The following DVL1 variants were observed in gnomAD, a reference collection of about 807,000 sequenced individuals.
DVL1 encodes the protein segment polarity protein dishevelled homolog DVL-1.
In DVL1, 49 loss-of-function variants were observed where a neutral mutation model predicts 65.0. That is an observed-to-expected ratio of 0.75 (90% CI 0.60 to 0.96). The LOEUF (loss-of-function observed/expected upper bound fraction) is 0.96, where lower values mean the gene tolerates loss of function less well. DVL1 is among the 40% of genes least tolerant of loss of function. DVL1 has a pLI of 0.00. For synonymous variants in DVL1, 608 were observed against 433.9 expected (o/e 1.40, Z -4.99); for missense variants, 1,197 against 1,045.4 (o/e 1.15, Z -2.00).
chr1:1,341,435 T>C (rs1225332312), intron 5 of DVL1, among the ~76,000 whole-genome samples: 1 of 151,664 alleles, frequency 6.6e-6, no homozygotes, highest in Non-Finnish European at 1.5e-5. Context: ...TGTACACGTT[T>C]GCACGCGGGC....
intron 10 of DVL1, 36 bp from the exon 11 acceptor site, chr1:1,339,475 G>C: frequency 1.8e-6 from 2 of 1,097,324 alleles, no homozygotes; most frequent in South Asian, 2.7e-5. Flanking sequence ...CAGGCGGACA[G>C]ATGGACAGGG....
In DVL1 at chr1:1,339,592, G is replaced by A. The variant is rs139346691; in HGVS notation, c.1044C>T (p.Thr348=). 1,296 of 1,607,048 alleles carry A rather than the reference G, an allele frequency of 8.1e-4. 10 individuals carry two copies. In the African/African-American group the frequency reaches 0.012, roughly 15 times the overall value. Residue 348 remains threonine (T), a synonymous_variant, in exon 10 of 15, where the codon ACC becomes ACT. Coordinates refer to ENST00000378888, the MANE Select transcript of DVL1 (RefSeq NM_001330311.2). The stretch of plus-strand genomic sequence containing the variant: ...CCGAGGGCCACTCACCCCGTGGGAC[G>A]GTGAAGTAGCTTCGGGGCGTTGGGT... The part of the protein sequence containing the change: ...CWDPTPRSYF[T]VPRADPVRPI...
intron 14 of DVL1, 133 bp downstream of exon 14, chr1:1,337,844 G>A (rs1164551871): frequency 5.2e-6 from 4 of 767,532 alleles, no homozygotes; most frequent in Middle Eastern, 2.4e-4. Context: ...GCAGGGCGGA[G>A]CAGCAGCGGG....
At chr1:1,339,846 G>C (rs1467522951) in intron 8 of DVL1, 34 bp from the exon 9 acceptor site, 1 of 1,516,856 alleles carries the variant, frequency 6.6e-7, no homozygotes, top group Non-Finnish European at 8.8e-7. Flanking sequence ...GTGCAGGCAG[G>C]ATGTGCAGCT....
intron 1 of DVL1, among the ~76,000 whole-genome samples, chr1:1,347,145 T>A (rs1160545152): frequency 6.6e-6 from 1 of 152,106 alleles, no homozygotes; most frequent in Non-Finnish European, 1.5e-5. Context: ...GCCCTCGTCT[T>A]GGACCTCCAG....
chr1:1,339,027 C>A (rs1252455064), intron 11 of DVL1, among the ~76,000 whole-genome samples: 1 of 152,174 alleles, frequency 6.6e-6, no homozygotes, highest in Non-Finnish European at 1.5e-5. Context: ...GGAGACCTGG[C>A]CCCTGCCTCT....
intron 14 of DVL1, among the ~76,000 whole-genome samples, chr1:1,336,840 G>C (rs1643594981): frequency 6.6e-6 from 1 of 152,268 alleles, no homozygotes; most frequent in Admixed American, 6.5e-5. Flanking sequence ...CTCATGCCCG[G>C]TGCCCCCGTG....
chr1:1,338,799 A>C, intron 11 of DVL1, 146 bp from the exon 12 acceptor site: 2 of 1,303,432 alleles, frequency 1.5e-6, no homozygotes, highest in South Asian at 3.0e-5. Context: ...GGCCCACTGC[A>C]GGATGCACCC....
At chr1:1,338,958 C>T (rs550162172) in intron 11 of DVL1, among the ~76,000 whole-genome samples, 1 of 152,366 alleles carries the variant, frequency 6.6e-6, no homozygotes, top group South Asian at 2.1e-4. Flanking sequence ...CCTTCCCCTC[C>T]CCGCATGCCC....
rs1643975089 is a variant in DVL1 at position 1,349,099 on chromosome 1, G to A, written c.-34C>T. The A allele has an allele frequency of 3.9e-6, 5 of 1,270,410 alleles. No homozygotes were observed. Among genetic ancestry groups the A allele is most frequent in the South Asian group, 3.4e-5 (2 of 59,454 alleles). 78.7% of individuals were successfully genotyped at this position (1,270,410 alleles called of 1,614,324 possible). ...GGCGGCGCGGAGCCCGCGCGCTCAG[G>A]GCCCGGCCCGGGGCTCGGACGCGGG... On this transcript the variant is annotated 5_prime_UTR_variant, in exon 1 of 15. Coordinates refer to ENST00000378888, the MANE Select transcript of DVL1 (RefSeq NM_001330311.2). This position sits in a 1 kb window ranked among gnomAD's most constrained non-coding sequence, Gnocchi z 4.1.
intron 5 of DVL1, among the ~76,000 whole-genome samples, chr1:1,340,972 AC>A (rs995428577): frequency 2.9e-5 from 4 of 135,960 alleles, no homozygotes; most frequent in African/African-American, 1.2e-4. Context: ...ACACACCTGC[AC>A]AGGCACACAT....
intron 1 of DVL1, among the ~76,000 whole-genome samples, chr1:1,346,147 C>A (rs1300646725): frequency 6.6e-6 from 1 of 152,152 alleles, no homozygotes; most frequent in Non-Finnish European, 1.5e-5. Flanking sequence ...ACTCCCCCCA[C>A]AGCCCAGGCC....
At chr1:1,342,211 C>A (rs1643859378) in intron 3 of DVL1, 55 bp from the exon 4 acceptor site, 1 of 1,510,882 alleles carries the variant, frequency 6.6e-7, no homozygotes, top group South Asian at 1.2e-5. Context: ...CCCTCAGATG[C>A]CGCCCAGCCC....
intron 13 of DVL1, 40 bp downstream of exon 13, chr1:1,338,229 T>TTGGCCCCCCCCCC: frequency 6.6e-7 from 1 of 1,522,366 alleles, no homozygotes; most frequent in Non-Finnish European, 9.0e-7. Flanking sequence ...CCTCCGGCGT[T>TTGGCCCCCCCCCC]CCCCTCCCCC....
intron 6 of DVL1, 43 bp from the exon 7 acceptor site, chr1:1,340,359 C>A (rs200442324): frequency 1.5e-5 from 24 of 1,613,394 alleles, no homozygotes; most frequent in Non-Finnish European, 1.9e-5. Flanking sequence ...CGGGGCTGCC[C>A]GACACTGACT....
intron 5 of DVL1, 105 bp downstream of exon 5, chr1:1,341,562 A>G: frequency 5.7e-6 from 8 of 1,392,654 alleles, no homozygotes; most frequent in Non-Finnish European, 6.8e-6. Flanking sequence ...ACACACACGC[A>G]CACACGTGCA....
At chr1:1,348,691 G>A (rs1643962687) in intron 1 of DVL1, among the ~76,000 whole-genome samples, 1 of 152,110 alleles carries the variant, frequency 6.6e-6, no homozygotes, top group East Asian at 1.9e-4. Context: ...CGGGAACCCC[G>A]CCTGCCATCG....
chr1:1,336,296 TGGGGC>T lies in DVL1; in HGVS notation c.1929_1933del (p.Pro646AspfsTer59). ...CACTGTATAGGCCTTGGTCGTGGGG[TGGGGC>T]GGGGGGAGCCCCGGGGCGGTAGCCG... On this transcript the variant is annotated frameshift_variant, in exon 15 of 15. Transcript: ENST00000378888. LOFTEE classifies it high-confidence loss of function. The T allele has an allele frequency of 6.4e-7, 1 of 1,557,558 alleles. No homozygotes were observed. The highest frequency in any genetic ancestry group is 8.6e-7 in the Non-Finnish European group (1 of 1,158,534).
Position 1,349,118 on chromosome 1 carries a change from A to C in DVL1, c.-53T>G. The C allele has an allele frequency of 1.9e-6, 2 of 1,053,340 alleles. No homozygotes were observed. The highest frequency in any genetic ancestry group is 2.3e-6 in the Non-Finnish European group (2 of 866,846). 65.2% of individuals were successfully genotyped at this position (1,053,340 alleles called of 1,614,324 possible). ...GCTCAGGGCCCGGCCCGGGGCTCGG[A>C]CGCGGGGCGCTACCCGCCCGCCCGC... On this transcript the variant is annotated 5_prime_UTR_variant, in exon 1 of 15. Transcript: ENST00000378888. This position sits in a 1 kb window ranked among gnomAD's most constrained non-coding sequence, Gnocchi z 4.1.
Sources: gnomAD v4.1 joint callset for allele counts (sites outside exome capture counted in the v4.1 genomes callset) on GRCh38, gnomAD v4.1.1 for gene constraint, Gnocchi (gnomAD v3.1) non-coding constraint, MANE v1.5 for transcripts, NCBI Gene and HGNC (gene_info 2026-07-23, HGNC 2026-07-21) for gene names.